Variants in PRPS1 observed in about 807,000 individuals in gnomAD.
The protein encoded by PRPS1 is ribose-phosphate pyrophosphokinase 1.
In PRPS1, 1 loss-of-function variant was observed where a neutral mutation model predicts 16.9. That is an observed-to-expected ratio of 0.06 (90% CI 0.02 to 0.28). The LOEUF is 0.28. Ranked by LOEUF, PRPS1 falls within the 10% of genes least tolerant of loss-of-function variation. The pLI is 1.00. For missense variants in PRPS1, 47 were observed against 254.0 expected, an observed-to-expected ratio of 0.19 and a Z score of 5.54; for synonymous variants, 70 against 90.2, an observed-to-expected ratio of 0.78 and a Z score of 1.27.
intron 1 of PRPS1, among the ~76,000 whole-genome samples, chrX:107,638,070 C>T (rs1925481625): frequency 9.1e-6 from 1 of 109,292 alleles, no homozygotes; most frequent in South Asian, 3.9e-4. Context: ...TCCTGAGTAG[C>T]TGGGACTACA....
Position 107,641,135 on chromosome X carries a change from G to T in PRPS1, c.405+135G>T, listed in dbSNP as rs1263841156. The T allele has an allele frequency of 3.4e-6, 4 of 1,178,232 alleles. No homozygotes were observed. In the South Asian group the frequency reaches 7.4e-5, roughly 22 times the overall value. On this transcript the variant is annotated intron_variant, in intron 3 of 6. Coordinates refer to ENST00000372435, the MANE Select transcript of PRPS1 (RefSeq NM_002764.4). ...TAGATATCAACAACATTTTAAATGT[G>T]TTCACCTTAAGCATACTTCATGATC...
intron 5 of PRPS1, among the ~76,000 whole-genome samples, chrX:107,646,339 C>T (rs974194205): frequency 6.3e-5 from 7 of 110,873 alleles, no homozygotes; most frequent in African/African-American, 2.3e-4. Flanking sequence ...TGTCCTTGAA[C>T]TCCTGGGCTC....
intron 1 of PRPS1, among the ~76,000 whole-genome samples, chrX:107,633,049 A>C: frequency 8.9e-6 from 1 of 111,851 alleles, no homozygotes; most frequent in Non-Finnish European, 1.9e-5. Context: ...CACATTTTTT[A>C]AACAGTTAAA....
intron 4 of PRPS1, among the ~76,000 whole-genome samples, chrX:107,643,958 A>T (rs1602903996): frequency 8.9e-6 from 1 of 111,817 alleles, no homozygotes; most frequent in East Asian, 2.8e-4. Flanking sequence ...GAGAAACAGG[A>T]CAAAATGCTA....
intron 1 of PRPS1, among the ~76,000 whole-genome samples, chrX:107,632,892 T>C: frequency 8.9e-6 from 1 of 111,775 alleles, no homozygotes; most frequent in African/African-American, 3.2e-5. Context: ...TAGGGAAAGA[T>C]TGGTTTTAAT....
Position 107,642,457 on chromosome X carries a change from C to T in PRPS1, c.497C>T (p.Thr166Ile), listed in dbSNP as rs888601981. ...AATATCTCTGAGTGGAGGAACTGCA[C>T]TATTGTCTCACCTGATGCTGGTGGA... is the stretch of plus-strand genomic sequence containing the variant. ...RENISEWRNC[T>I]IVSPDAGGAK... The change falls in exon 4 of 7, where the codon ACT becomes ATT. Residue 166 changes from threonine (T) to isoleucine (I), a missense_variant. This residue lies in a region of PRPS1 where 19 missense variants were observed against 155.6 expected (regional missense o/e 0.12). Transcript: ENST00000372435. 8.3e-7 allele frequency: 1 copy of T among 1,211,588 alleles called. No individual in the cohort carries two copies. The highest frequency in any genetic ancestry group is 1.7e-5 in the African/African-American group (1 of 57,820).
At chrX:107,640,094 T>A (rs1296886168) in intron 2 of PRPS1, among the ~76,000 whole-genome samples, 1 of 112,863 alleles carries the variant, frequency 8.9e-6, no homozygotes, top group Admixed American at 9.3e-5. Context: ...ATCCTAGCAC[T>A]TTGGGAGGCC....
chrX:107,644,885 G>T (rs1326934854), intron 4 of PRPS1, among the ~76,000 whole-genome samples: 1 of 110,824 alleles, frequency 9.0e-6, no homozygotes, highest in East Asian at 2.8e-4. Flanking sequence ...CGCGATCTCA[G>T]CTCACTGCAA....
intron 6 of PRPS1, 60 bp from the exon 7 acceptor site, chrX:107,649,880 A>G: frequency 8.3e-7 from 1 of 1,211,459 alleles, no homozygotes; most frequent in Non-Finnish European, 1.1e-6. Context: ...AGTGTCTGCA[A>G]ATTGGCCAGT....
In PRPS1 at chrX:107,647,624, C is replaced by A. The variant is rs1323088690; in HGVS notation, c.723C>A (p.Ala241=). The change falls in exon 6 of 7, where the codon GCC becomes GCA. Residue 241 remains alanine (A), a synonymous_variant. Transcript: ENST00000372435. ...HAADKLLSAG[A]TRVYAILTHG... ...CCTCTAGACTTCTCTCAGCTGGCGCCACCAGAGTTTATGCCATCTTGACTC... is the reference window on the plus strand; with the variant it reads ...CCTCTAGACTTCTCTCAGCTGGCGCAACCAGAGTTTATGCCATCTTGACTC... 1 of 1,211,702 alleles carries A rather than the reference C, an allele frequency of 8.3e-7. No homozygotes were observed. Among genetic ancestry groups the A allele is most frequent in the East Asian group, 3.0e-5 (1 of 33,861 alleles).
chrX:107,642,979 CTG>C lies in PRPS1; in HGVS notation c.530+490_530+491del, dbSNP rs1324157421. 1.7e-4 allele frequency among the ~76,000 whole-genome samples: 19 copies of C among 112,306 alleles called. No individual in the cohort carries two copies. The Admixed American group carries it at 1.8e-3, about 11-fold the overall frequency. On this transcript the variant is annotated intron_variant, in intron 4 of 6. Transcript: ENST00000372435. ...CCAAGATCTTAACATTTTAAACAAA[CTG>C]ATTGCCAGGGATTGCCAGTTAACAG...
chrX:107,639,460 G>A lies in PRPS1; in HGVS notation c.288G>A (p.Arg96=), dbSNP rs752194539. Residue 96 remains arginine (R), a synonymous_variant, in exon 2 of 7, where the codon CGG becomes CGA. Coordinates refer to ENST00000372435, the MANE Select transcript of PRPS1 (RefSeq NM_002764.4). The part of the protein sequence containing the change: ...TAVIPCFPYA[R]QDKKDKSRAP... ...TCATCCCATGCTTCCCTTATGCCCG[G>A]CAGGATAAGAAAGATAAGGTAGGAG... 56 of 1,209,934 alleles carry A rather than the reference G, an allele frequency of 4.6e-5. No homozygotes were observed. The East Asian group carries it at 1.6e-3, about 35-fold the overall frequency.
intron 4 of PRPS1, among the ~76,000 whole-genome samples, chrX:107,644,929 C>G (rs1159676529): frequency 9.0e-6 from 1 of 111,256 alleles, no homozygotes; most frequent in Non-Finnish European, 1.9e-5. Flanking sequence ...ATTTTCCTGC[C>G]TCAGCCTCCC....
At position 107,645,162 on chromosome X, in the gene PRPS1, C is replaced by A. The variant is rs200259438; in HGVS notation, c.531-15C>A. 2 of 1,210,040 alleles carry A rather than the reference C, an allele frequency of 1.7e-6. No homozygotes were observed. Among genetic ancestry groups the A allele is most frequent in the Non-Finnish European group, 2.2e-6 (2 of 894,790 alleles). On this transcript the variant is annotated splice_polypyrimidine_tract_variant and intron_variant, in intron 4 of 6. Transcript: ENST00000372435. ...TAGAAGCCACACATACATATGAACA[C>A]GCTCTGTTTTGCAGAGTGACCTCCA...
At position 107,650,771 on chromosome X, in the gene PRPS1, A is replaced by G. The variant is rs1025333373; in HGVS notation, c.*739A>G. ...TTGTACCATAGTCTTCTGGAAAGCA[A>G]ACATGCTTCCTGCTATGTAATTGCT... On this transcript the variant is annotated 3_prime_UTR_variant, in exon 7 of 7. Transcript: ENST00000372435. 28 of 295,606 alleles carry G rather than the reference A, an allele frequency of 9.5e-5. No homozygotes were observed. Among genetic ancestry groups the G allele is most frequent in the African/African-American group, 6.1e-4 (22 of 36,335 alleles). The allele number at this position is 295,606 out of a possible 1,213,427, so 24.4% of individuals were successfully genotyped here.
Position 107,650,246 on chromosome X carries a change from T to G in PRPS1, c.*214T>G. On this transcript the variant is annotated 3_prime_UTR_variant, in exon 7 of 7. Transcript: ENST00000372435. The stretch of plus-strand genomic sequence containing the variant: ...CTGCATTATCTCATTCTGGCTTCCT[T>G]GATAATTCTGTGGGCCTTGCAGCTT... 1.5e-6 allele frequency: 1 copy of G among 661,320 alleles called. No homozygotes were observed. Among genetic ancestry groups the G allele is most frequent in the Non-Finnish European group, 2.2e-6 (1 of 454,812 alleles). The allele number at this position is 661,320 out of a possible 1,213,427, so 54.5% of individuals were successfully genotyped here. A position where few individuals can be genotyped will look rare whatever the true frequency, so the allele number is the denominator to read the frequency against.
rs772838760 is a variant in PRPS1 at position 107,642,414 on chromosome X, C to T, written c.454C>T (p.Leu152=). ...CAATTTGTATGCAGAGCCGGCTGTC[C>T]TAAAGTGGATAAGGGAGAATATCTC... ...VDNLYAEPAV[L]KWIRENISEW... The change falls in exon 4 of 7, where the codon CTA becomes TTA. Residue 152 remains leucine (L), a synonymous_variant. Transcript: ENST00000372435. The T allele has an allele frequency of 1.7e-5, 21 of 1,209,874 alleles. No individual in the cohort carries two copies. Among genetic ancestry groups the T allele is most frequent in the Admixed American group, 2.2e-5 (1 of 45,689 alleles).
At chrX:107,640,816 G>A (rs748276680) in intron 2 of PRPS1, 86 bp from the exon 3 acceptor site, 4 of 1,038,153 alleles carry the variant, frequency 3.9e-6, no homozygotes, top group African/African-American at 1.9e-5. Flanking sequence ...AACATAGTAG[G>A]TACACAATAA....
At chrX:107,632,169 T>A (rs994668198) in intron 1 of PRPS1, among the ~76,000 whole-genome samples, 1 of 112,232 alleles carries the variant, frequency 8.9e-6, no homozygotes, top group Non-Finnish European at 1.9e-5. Flanking sequence ...GTATTATTGT[T>A]CCTTTAAATT....
Sources: allele counts gnomAD v4.1 joint callset (sites outside exome capture counted in the v4.1 genomes callset), GRCh38; gene constraint gnomAD v4.1.1; regional missense constraint gnomAD v4.1.1; transcripts MANE v1.5; gene names NCBI Gene and HGNC (gene_info 2026-07-23, HGNC 2026-07-21).